Variants in NRXN1 observed in about 807,000 individuals in gnomAD.
NRXN1 encodes the protein neurexin 1.
In NRXN1, 39 loss-of-function variants were observed where a neutral mutation model predicts 150.9. The ratio of observed to expected loss-of-function variants is 0.26; its 90% confidence interval spans 0.20 to 0.34. The LOEUF is 0.34. Among genes scored for constraint, NRXN1 ranks in the 10% least tolerant of loss-of-function variants. The pLI, the probability that NRXN1 is intolerant of heterozygous loss-of-function variation, is 1.00. For synonymous variants in NRXN1, 924 were observed against 757.0 expected (o/e 1.22, Z -3.62); for missense variants, 1,815 against 1,949.9 (o/e 0.93, Z 1.30).
intron 17 of NRXN1, among the ~76,000 whole-genome samples, chr2:50,281,152 A>G (rs1247050233): frequency 2.0e-5 from 2 of 98,548 alleles, no homozygotes; most frequent in Non-Finnish European, 4.3e-5. Flanking sequence ...AAAATACAAA[A>G]AAAAAAAAAA....
intron 17 of NRXN1, among the ~76,000 whole-genome samples, chr2:50,458,031 T>C (rs2087756254): frequency 6.6e-6 from 1 of 152,116 alleles, no homozygotes; most frequent in South Asian, 2.1e-4. Flanking sequence ...ATAATTGCAT[T>C]CCCATGTTTA....
chr2:50,987,843 T>C (rs1697954953), intron 2 of NRXN1, among the ~76,000 whole-genome samples: 1 of 151,936 alleles, frequency 6.6e-6, no homozygotes, highest in South Asian at 2.1e-4. Flanking sequence ...TTGGTCCCTG[T>C]CCAGTTTGTA....
intron 19 of NRXN1, among the ~76,000 whole-genome samples, chr2:50,062,620 T>C (rs1694727518): frequency 6.6e-6 from 1 of 152,038 alleles, no homozygotes; most frequent in African/African-American, 2.4e-5. Context: ...CACAAAGCAA[T>C]AAAACTCAAA....
At chr2:50,531,518 A>G in intron 10 of NRXN1, 88 bp from the exon 11 acceptor site, 1 of 1,022,460 alleles carries the variant, frequency 9.8e-7, no homozygotes, top group Non-Finnish European at 1.5e-6. Flanking sequence ...ATTATCATTT[A>G]TTTAAGACTT....
At position 50,710,432 on chromosome 2, in the gene NRXN1, A is replaced by C. The variant is rs191058406; in HGVS notation, c.833-86817T>G. Among the ~76,000 whole-genome samples, 318 of 152,294 alleles carry C rather than the reference A, an allele frequency of 2.1e-3. 6 individuals carry two copies. The highest frequency in any genetic ancestry group is 0.018 in the Admixed American group (274 of 15,278). On this transcript the variant is annotated intron_variant, in intron 5 of 22. Coordinates refer to ENST00000401669, the MANE Select transcript of NRXN1 (RefSeq NM_001330078.2). ...ACAACACACATACCCACCTCTATGC[A>C]CAGAGAGGATCTTATAAACATTATT...
Position 49,960,770 on chromosome 2 carries a change from C to G in NRXN1, c.4129-16979G>C, listed in dbSNP as rs75867422. On this transcript the variant is annotated intron_variant, in intron 21 of 22. Transcript: ENST00000401669. ...AAAAACATCATTTTATCACATATTA[C>G]TACCCCAGTGGTTCTTAAATGGTTC... Among the ~76,000 whole-genome samples, 585 of 152,270 alleles carry G rather than the reference C, an allele frequency of 3.8e-3. 4 individuals are homozygous for G. The highest frequency in any genetic ancestry group is 0.013 in the African/African-American group (558 of 41,566).
chr2:50,511,315 A>G (rs998433287), intron 12 of NRXN1, among the ~76,000 whole-genome samples: 1 of 152,156 alleles, frequency 6.6e-6, no homozygotes, highest in East Asian at 1.9e-4. Context: ...TTGGCCTACC[A>G]AAGTGCTGGA....
intron 5 of NRXN1, among the ~76,000 whole-genome samples, chr2:50,815,506 G>C (rs1262709650): frequency 1.3e-5 from 2 of 152,032 alleles, no homozygotes; most frequent in Non-Finnish European, 2.9e-5. Context: ...TGCTATTTAA[G>C]AACCCATGGT....
chr2:50,824,301 AGTGT>A lies in NRXN1; in HGVS notation c.832+97564_832+97567del, dbSNP rs10651842. Among the ~76,000 whole-genome samples, 216 of 149,196 alleles carry A rather than the reference AGTGT, an allele frequency of 1.4e-3. 1 individual carries two copies. Among genetic ancestry groups the A allele is most frequent in the East Asian group, 7.8e-3 (39 of 5,026 alleles). ...TTATTGCTACAATTCAAACCCTTTGAGTGTGTGTGTGTGTGTGTGTGTGTGAAAA... is the reference window on the plus strand; with the variant it reads ...TTATTGCTACAATTCAAACCCTTTGAGTGTGTGTGTGTGTGTGTGTGAAAA... On this transcript the variant is annotated intron_variant, in intron 5 of 22. Transcript: ENST00000401669.
chr2:50,448,690 A>G (rs1458288803), intron 17 of NRXN1, among the ~76,000 whole-genome samples: 2 of 152,162 alleles, frequency 1.3e-5, no homozygotes. Context: ...GCAGTGATAC[A>G]CTAAAAAGCA....
intron 17 of NRXN1, among the ~76,000 whole-genome samples, chr2:50,394,052 C>G (rs1159312364): frequency 6.6e-6 from 1 of 152,070 alleles, no homozygotes; most frequent in Non-Finnish European, 1.5e-5. Flanking sequence ...CACGCTAGTT[C>G]TATTTTTCTT....
At chr2:50,853,895 C>G (rs916841572) in intron 5 of NRXN1, among the ~76,000 whole-genome samples, 1 of 152,064 alleles carries the variant, frequency 6.6e-6, no homozygotes, top group Non-Finnish European at 1.5e-5. Context: ...CCAATATAAA[C>G]TGTTAATTTC....
At chr2:50,594,950 C>G (rs1674907901) in intron 8 of NRXN1, among the ~76,000 whole-genome samples, 1 of 151,442 alleles carries the variant, frequency 6.6e-6, no homozygotes, top group South Asian at 2.1e-4. Flanking sequence ...ACGGTACCCT[C>G]TGAGCACTGA....
intron 8 of NRXN1, among the ~76,000 whole-genome samples, chr2:50,614,629 A>T (rs912383907): frequency 7.0e-6 from 1 of 143,238 alleles, no homozygotes; most frequent in Non-Finnish European, 1.5e-5. Context: ...TAGAACTTAA[A>T]GTATAATAAA....
intron 22 of NRXN1, among the ~76,000 whole-genome samples, chr2:49,935,882 G>A (rs1409238389): frequency 6.6e-6 from 1 of 152,168 alleles, no homozygotes; most frequent in East Asian, 1.9e-4. Flanking sequence ...TTCTAAACCT[G>A]TGCTACATTC....
At chr2:50,309,653 G>T (rs1469718480) in intron 17 of NRXN1, among the ~76,000 whole-genome samples, 3 of 152,084 alleles carry the variant, frequency 2.0e-5, no homozygotes, top group Non-Finnish European at 4.4e-5. Flanking sequence ...ACCCAGAAAA[G>T]GAAGAGAGGC....
At chr2:50,751,893 T>C (rs907297246) in intron 5 of NRXN1, among the ~76,000 whole-genome samples, 2 of 151,958 alleles carry the variant, frequency 1.3e-5, no homozygotes, top group Non-Finnish European at 2.9e-5. Flanking sequence ...AGAAAACTAT[T>C]TGAGGGTTGA....
chr2:51,025,245 T>C (rs1670252741), intron 2 of NRXN1, among the ~76,000 whole-genome samples: 1 of 152,178 alleles, frequency 6.6e-6, no homozygotes, highest in African/African-American at 2.4e-5. Flanking sequence ...CTAATGGATT[T>C]GCTATTCTGA....
At chr2:50,307,884 A>T (rs755761604) in intron 17 of NRXN1, among the ~76,000 whole-genome samples, 7 of 152,238 alleles carry the variant, frequency 4.6e-5, no homozygotes, top group Non-Finnish European at 7.3e-5. Flanking sequence ...TCAATGATAA[A>T]ACTACTTTGA....
Sources: gnomAD v4.1 joint callset for allele counts (sites outside exome capture counted in the v4.1 genomes callset) on GRCh38, gnomAD v4.1.1 for gene constraint, MANE v1.5 for transcripts, NCBI Gene and HGNC (gene_info 2026-07-23, HGNC 2026-07-21) for gene names.